The following TBC1D22A variants were observed in gnomAD, a reference collection of about 807,000 sequenced individuals.
The protein encoded by TBC1D22A is putative GTPase activator.
TBC1D22A carries 38 observed loss-of-function variants against 60.2 expected under a neutral mutation model. The ratio of observed to expected loss-of-function variants is 0.63; its 90% confidence interval spans 0.49 to 0.83. The LOEUF is 0.83. Ranked by LOEUF, TBC1D22A falls within the 40% of genes least tolerant of loss-of-function variation. TBC1D22A has a pLI of 0.00. For synonymous variants in TBC1D22A, 302 were observed against 281.7 expected (o/e 1.07, Z -0.72); for missense variants, 628 against 701.0 (o/e 0.90, Z 1.18).
At chr22:46,923,055 G>C (rs1293364437) in intron 8 of TBC1D22A, among the ~76,000 whole-genome samples, 1 of 152,120 alleles carries the variant, frequency 6.6e-6, no homozygotes, top group Non-Finnish European at 1.5e-5. Flanking sequence ...TGTTGATTGT[G>C]GGTTTGTCAT....
At chr22:46,874,721 A>ATG (rs2067465470) in intron 4 of TBC1D22A, among the ~76,000 whole-genome samples, 2 of 151,582 alleles carry the variant, frequency 1.3e-5, no homozygotes, top group Admixed American at 6.6e-5. Context: ...TTACAGGTGC[A>ATG]TGCCACCACG....
At chr22:47,130,485 T>TGGATGGA (rs1382204316) in intron 12 of TBC1D22A, among the ~76,000 whole-genome samples, 27 of 152,304 alleles carry the variant, frequency 1.8e-4, no homozygotes, top group South Asian at 4.1e-4. Context: ...GGCCTCTCTC[T>TGGATGGA]GGATGGAGGG....
chr22:47,074,635 G>A (rs1384590151), intron 11 of TBC1D22A, among the ~76,000 whole-genome samples: 1 of 152,160 alleles, frequency 6.6e-6, no homozygotes, highest in Non-Finnish European at 1.5e-5. Context: ...GAAATCTTTT[G>A]GAGTGCTTTT....
At chr22:47,005,294 A>C in intron 10 of TBC1D22A, among the ~76,000 whole-genome samples, 1 of 150,046 alleles carries the variant, frequency 6.7e-6, no homozygotes, top group Non-Finnish European at 1.5e-5. Context: ...ATATACACTC[A>C]CTCCTGTATA....
chr22:46,876,891 T>C (rs1419635118), intron 4 of TBC1D22A, among the ~76,000 whole-genome samples: 1 of 152,258 alleles, frequency 6.6e-6, no homozygotes, highest in Non-Finnish European at 1.5e-5. Flanking sequence ...AGGATGGTCA[T>C]GTGGCTTCCC....
chr22:46,905,880 G>A (rs1221267997), intron 7 of TBC1D22A, among the ~76,000 whole-genome samples: 1 of 152,210 alleles, frequency 6.6e-6, no homozygotes, highest in Non-Finnish European at 1.5e-5. Flanking sequence ...TTCCATTATT[G>A]TAGGTGTTGG....
intron 12 of TBC1D22A, among the ~76,000 whole-genome samples, chr22:47,159,509 TACTCACC>T (rs1201685126): frequency 1.3e-5 from 2 of 150,304 alleles, no homozygotes; most frequent in Non-Finnish European, 3.0e-5. Flanking sequence ...ACGACATGCA[TACTCACC>T]ATGTTTACAC....
intron 12 of TBC1D22A, among the ~76,000 whole-genome samples, chr22:47,120,942 A>G (rs1325828241): frequency 6.6e-6 from 1 of 152,252 alleles, no homozygotes; most frequent in East Asian, 1.9e-4. Context: ...AGAAGTTGGA[A>G]ATATCCGTCT....
At chr22:46,973,479 C>A (rs1417041759) in intron 8 of TBC1D22A, among the ~76,000 whole-genome samples, 1 of 152,216 alleles carries the variant, frequency 6.6e-6, no homozygotes, top group Non-Finnish European at 1.5e-5. Context: ...TCTGCTTCAA[C>A]CTTTCTACAT....
At chr22:46,806,612 T>G (rs2085152526) in intron 4 of TBC1D22A, among the ~76,000 whole-genome samples, 1 of 151,932 alleles carries the variant, frequency 6.6e-6, no homozygotes, top group South Asian at 2.1e-4. Context: ...CCACAGACCA[T>G]TAGAACTGAC....
chr22:47,006,886 TAGG>T lies in TBC1D22A; in HGVS notation c.1201+9182_1201+9184del, dbSNP rs923683428. On this transcript the variant is annotated intron_variant, in intron 10 of 12. Coordinates refer to ENST00000337137, the MANE Select transcript of TBC1D22A (RefSeq NM_014346.5). ...ACCAGTTCTTGGTGCTGCTCAGAGG[TAGG>T]AGGAAGTATTGCTGGGTTGAGCCAA... is the stretch of plus-strand genomic sequence containing the variant. 2.6e-5 allele frequency among the ~76,000 whole-genome samples: 4 copies of T among 152,052 alleles called. No individual in the cohort carries two copies. In the South Asian group the frequency reaches 8.3e-4, roughly 32 times the overall value.
intron 4 of TBC1D22A, among the ~76,000 whole-genome samples, chr22:46,820,747 A>T (rs139586): frequency 0.34 from 52,050 of 152,078 alleles, 9,080 homozygotes; most frequent in South Asian, 0.42. Context: ...TACGAGGTCC[A>T]CTTGGTCCAG....
chr22:46,910,587 G>A (rs2069842976), intron 7 of TBC1D22A, among the ~76,000 whole-genome samples: 1 of 152,188 alleles, frequency 6.6e-6, no homozygotes, highest in African/African-American at 2.4e-5. Flanking sequence ...GCCTTAGCTG[G>A]CAGGCAGCCC....
intron 12 of TBC1D22A, among the ~76,000 whole-genome samples, chr22:47,170,039 C>T (rs556835485): frequency 5.3e-5 from 8 of 152,302 alleles, no homozygotes; most frequent in Non-Finnish European, 8.8e-5. Flanking sequence ...ATAAATGTGC[C>T]GCGTTTCCCA....
chr22:47,023,085 TAGGC>T (rs954646855), intron 10 of TBC1D22A, among the ~76,000 whole-genome samples: 2 of 152,208 alleles, frequency 1.3e-5, no homozygotes, highest in African/African-American at 4.8e-5. Context: ...ACTCGTTAGT[TAGGC>T]AGAGTCATTA....
intron 11 of TBC1D22A, among the ~76,000 whole-genome samples, chr22:47,110,705 T>A (rs2065814198): frequency 6.6e-6 from 1 of 152,156 alleles, no homozygotes; most frequent in African/African-American, 2.4e-5. Flanking sequence ...AGTAGTCCTA[T>A]AGATGTTGCA....
Position 46,897,646 on chromosome 22 carries a change from TTTTGTG to T in TBC1D22A, c.900+2804_900+2809del, listed in dbSNP as rs1345410592. ...TTTTGTTTTGTTTCGTTTTGTTTTT[TTTTGTG>T]TTTTTTTTTTTTTTTTTAGTTCTAG... On this transcript the variant is annotated intron_variant, in intron 7 of 12. Coordinates refer to ENST00000337137, the MANE Select transcript of TBC1D22A (RefSeq NM_014346.5). Among the ~76,000 whole-genome samples, 99 of 110,222 alleles carry T rather than the reference TTTTGTG, an allele frequency of 9.0e-4. 1 individual carries two copies. The highest frequency in any genetic ancestry group is 3.4e-3 in the African/African-American group (87 of 25,564). 72.3% of individuals were successfully genotyped at this position (110,222 alleles called of 152,430 possible). A position where few individuals can be genotyped will look rare whatever the true frequency, so the allele number is the denominator to read the frequency against.
intron 8 of TBC1D22A, chr22:46,915,712 G>A (rs1239975325): frequency 2.2e-6 from 1 of 456,646 alleles, no homozygotes; most frequent in Non-Finnish European, 4.4e-6. Context: ...TGATGCCTGA[G>A]TGGGAGCTGG....
intron 11 of TBC1D22A, among the ~76,000 whole-genome samples, chr22:47,077,583 G>GTATT (rs1244043837): frequency 6.6e-6 from 1 of 152,216 alleles, no homozygotes; most frequent in Non-Finnish European, 1.5e-5. Context: ...TGCACATTGA[G>GTATT]TATTTATGGT....
Sources: allele counts gnomAD v4.1 joint callset (sites outside exome capture counted in the v4.1 genomes callset), GRCh38; gene constraint gnomAD v4.1.1; transcripts MANE v1.5; gene names NCBI Gene and HGNC (gene_info 2026-07-23, HGNC 2026-07-21).